PRIM2: variants seen among roughly 807,000 people sequenced by gnomAD.
The protein encoded by PRIM2 is DNA primase subunit 2.
PRIM2 carries 39 observed loss-of-function variants against 67.3 expected under a neutral mutation model. The ratio of observed to expected loss-of-function variants is 0.58; its 90% CI spans 0.45 to 0.76. The LOEUF (loss-of-function observed/expected upper bound fraction) is 0.76, where lower values mean the gene tolerates loss of function less well. Among genes scored for constraint, PRIM2 ranks in the 30% least tolerant of loss-of-function variants. The probability of loss-of-function intolerance (pLI) is 0.00; values close to 1 mark genes in which losing one functional copy is unlikely to be tolerated. For synonymous variants in PRIM2, 143 were observed against 198.7 expected, an observed-to-expected ratio of 0.72 and a Z score of 2.36; for missense variants, 398 against 598.7, an observed-to-expected ratio of 0.66 and a Z score of 3.50.
At chr6:57,530,751 C>G (rs1170095194) in intron 8 of PRIM2, among the ~76,000 whole-genome samples, 4,886 of 151,754 alleles carry the variant, frequency 0.032, 255 homozygotes, top group African/African-American at 0.11. Context: ...TACTCTGTCA[C>G]CCAGGGTGGA....
chr6:57,470,805 A>C (rs2127401644), intron 7 of PRIM2, among the ~76,000 whole-genome samples: 1 of 152,244 alleles, frequency 6.6e-6, no homozygotes, highest in African/African-American at 2.4e-5. Context: ...ATAGTGCCTG[A>C]ATTCTAGATT....
In PRIM2 at chr6:57,425,437, G is replaced by A. The variant is rs532748465; in HGVS notation, c.693+43269G>A. On this transcript the variant is annotated intron_variant, in intron 7 of 13. Transcript: ENST00000615550. The stretch of plus-strand genomic sequence containing the variant: ...TCACCATGTTGGCCAGGATGGTCTC[G>A]ATCTCTTGACCTTGTGATCTGCCCA... 1.9e-4 allele frequency among the ~76,000 whole-genome samples: 29 copies of A among 152,176 alleles called. No homozygotes were observed. The South Asian group carries it at 3.7e-3, about 20-fold the overall frequency.
At chr6:57,463,442 T>G (rs35381310) in intron 7 of PRIM2, among the ~76,000 whole-genome samples, 4 of 152,112 alleles carry the variant, frequency 2.6e-5, no homozygotes, top group Admixed American at 6.5e-5. Context: ...CAGTGAGCTG[T>G]GATTATACTA....
intron 6 of PRIM2, 35 bp downstream of exon 6, chr6:57,380,031 T>A: frequency 3.3e-6 from 5 of 1,513,886 alleles, no homozygotes; most frequent in Non-Finnish European, 4.5e-6. Flanking sequence ...CTAGGTTTTG[T>A]TAAATATGTC....
chr6:57,489,810 T>C (rs1379674114), intron 7 of PRIM2, among the ~76,000 whole-genome samples: 2 of 152,232 alleles, frequency 1.3e-5, no homozygotes, highest in Non-Finnish European at 2.9e-5. Context: ...AAAATAACTA[T>C]GAAAAATTAT....
At chr6:57,267,146 T>C in the PRIM2 span, among the ~76,000 whole-genome samples, 1 of 152,342 alleles carries the variant, frequency 6.6e-6, no homozygotes, top group African/African-American at 2.4e-5. Context: ...ATTACCTTCA[T>C]TAATTAATCA....
intron 7 of PRIM2, among the ~76,000 whole-genome samples, chr6:57,435,427 C>A (rs1771978737): frequency 6.6e-6 from 1 of 152,100 alleles, no homozygotes; most frequent in Non-Finnish European, 1.5e-5. Flanking sequence ...GATTCCTTCC[C>A]CTTTTAACCC....
the PRIM2 span, among the ~76,000 whole-genome samples, chr6:57,240,181 A>G: frequency 1.4e-5 from 2 of 143,156 alleles, no homozygotes; most frequent in Non-Finnish European, 3.0e-5. Flanking sequence ...CTCACACTGC[A>G]ACCTCTGCCT....
intron 5 of PRIM2, among the ~76,000 whole-genome samples, chr6:57,332,490 GTTTA>G (rs1768084987): frequency 6.6e-6 from 1 of 152,090 alleles, no homozygotes; most frequent in African/African-American, 2.4e-5. Flanking sequence ...AACTGTTATT[GTTTA>G]TTTATTATCT....
chr6:57,301,562 G>A, the PRIM2 span, among the ~76,000 whole-genome samples: 1 of 152,118 alleles, frequency 6.6e-6, no homozygotes, highest in South Asian at 2.1e-4. Flanking sequence ...AGCACTTTGG[G>A]AGGCCAAGGC....
intron 7 of PRIM2, among the ~76,000 whole-genome samples, chr6:57,410,193 G>A (rs1487734831): frequency 2.6e-5 from 4 of 151,762 alleles, no homozygotes; most frequent in Non-Finnish European, 5.9e-5. Flanking sequence ...CTGTGGTGGC[G>A]GGTACCTGTA....
the PRIM2 span, among the ~76,000 whole-genome samples, chr6:57,292,456 A>C: frequency 1.2e-4 from 19 of 152,278 alleles, no homozygotes; most frequent in South Asian, 3.1e-3. Context: ...CATCCCCATC[A>C]AGCTACCAAT....
At position 57,389,049 on chromosome 6, in the gene PRIM2, G is replaced by C. The variant is rs533245236; in HGVS notation, c.693+6881G>C. On this transcript the variant is annotated intron_variant, in intron 7 of 13. Coordinates refer to ENST00000615550, the MANE Select transcript of PRIM2 (RefSeq NM_000947.5). ...GGGGCAGATCCTTAAATTGGAGCTG[G>C]ATTTCTTTAAGGCAAAAATCTCTTT... Among the ~76,000 whole-genome samples, 360 of 152,248 alleles carry C rather than the reference G, an allele frequency of 2.4e-3. 1 individual carries two copies. The highest frequency in any genetic ancestry group is 8.1e-3 in the African/African-American group (338 of 41,544).
intron 3 of PRIM2, among the ~76,000 whole-genome samples, chr6:57,322,659 C>A (rs1767698953): frequency 6.6e-6 from 1 of 152,180 alleles, no homozygotes; most frequent in Admixed American, 6.5e-5. Context: ...GTCAGTTAAA[C>A]CTCTTTCCTT....
the PRIM2 span, among the ~76,000 whole-genome samples, chr6:57,233,215 A>G: frequency 6.6e-6 from 1 of 152,162 alleles, no homozygotes; most frequent in Admixed American, 6.5e-5. Context: ...TTCTGGGATG[A>G]GTTTCCATAA....
At chr6:57,569,544 G>T (rs1775821986) in intron 10 of PRIM2, among the ~76,000 whole-genome samples, 2 of 151,966 alleles carry the variant, frequency 1.3e-5, no homozygotes, top group Non-Finnish European at 2.9e-5. Flanking sequence ...GAAGTTCTAA[G>T]TCTAGATTTG....
the PRIM2 span, among the ~76,000 whole-genome samples, chr6:57,298,922 C>T: frequency 6.6e-6 from 1 of 152,076 alleles, no homozygotes; most frequent in South Asian, 2.1e-4. Flanking sequence ...TTCCATCTGT[C>T]ACCAAGCCCT....
At chr6:57,543,372 G>A (rs1775218466) in intron 10 of PRIM2, among the ~76,000 whole-genome samples, 1 of 152,166 alleles carries the variant, frequency 6.6e-6, no homozygotes, top group Non-Finnish European at 1.5e-5. Flanking sequence ...TCCTAACAGT[G>A]TAAGAAAAAT....
At chr6:57,504,784 T>G (rs1581958324) in intron 7 of PRIM2, among the ~76,000 whole-genome samples, 2 of 152,368 alleles carry the variant, frequency 1.3e-5, no homozygotes. Context: ...GAGGAAATGC[T>G]AAAAATCTCA....
Sources: gnomAD v4.1 joint callset for allele counts (sites outside exome capture counted in the v4.1 genomes callset) on GRCh38, gnomAD v4.1.1 for gene constraint, MANE v1.5 for transcripts, NCBI Gene and HGNC (gene_info 2026-07-23, HGNC 2026-07-21) for gene names.